KIF13B: variants seen among roughly 807,000 people sequenced by gnomAD.
KIF13B encodes the protein kinesin-like protein KIF13B.
KIF13B carries 127 observed loss-of-function variants against 222.0 expected under a neutral mutation model. The observed-to-expected ratio is 0.57, with a 90% CI of 0.50 to 0.66. KIF13B has a LOEUF of 0.66. KIF13B is among the 30% of genes least tolerant of loss of function. The pLI, the probability that KIF13B is intolerant of heterozygous loss-of-function variation, is 0.00. For synonymous variants in KIF13B, 976 were observed against 919.0 expected (o/e 1.06, Z -1.12); for missense variants, 2,173 against 2,379.0 (o/e 0.91, Z 1.80).
Position 29,109,787 on chromosome 8 carries a change from G to T in KIF13B, c.4083+131C>A, listed in dbSNP as rs146899866. On this transcript the variant is annotated intron_variant, in intron 33 of 39. Transcript: ENST00000524189. ...GAATGACCCAATTACAATCACTCTGGATTATTCAAAGTTCATTAGAGTGAA... is the reference window on the plus strand; with the variant it reads ...GAATGACCCAATTACAATCACTCTGTATTATTCAAAGTTCATTAGAGTGAA... The T allele has an allele frequency of 9.4e-4, 844 of 901,742 alleles. 14 individuals carry two copies. In the East Asian group the frequency reaches 0.016, roughly 17 times the overall value. The allele number at this position is 901,742 out of a possible 1,614,324, so 55.9% of individuals were successfully genotyped here. A position where few individuals can be genotyped will look rare whatever the true frequency, so the allele number is the denominator to read the frequency against.
At chr8:29,109,184 G>C (rs1191565312) in intron 34 of KIF13B, among the ~76,000 whole-genome samples, 2 of 152,184 alleles carry the variant, frequency 1.3e-5, no homozygotes, top group Non-Finnish European at 2.9e-5. Context: ...CTCAGTCTAT[G>C]CTAGGCAGTG....
At chr8:29,104,648 C>A (rs561886834) in intron 35 of KIF13B, among the ~76,000 whole-genome samples, 1 of 152,194 alleles carries the variant, frequency 6.6e-6, no homozygotes, top group Non-Finnish European at 1.5e-5. Flanking sequence ...TGGTGTCCAA[C>A]TCCCCTGCCA....
intron 29 of KIF13B, 118 bp downstream of exon 29, chr8:29,122,473 A>G (rs1797139278): frequency 2.6e-6 from 2 of 766,952 alleles, no homozygotes; most frequent in African/African-American, 1.7e-5. Flanking sequence ...ACACACGTCA[A>G]ACTGGCTCTA....
chr8:29,258,402 C>A (rs927835804), intron 1 of KIF13B, among the ~76,000 whole-genome samples: 2 of 152,190 alleles, frequency 1.3e-5, no homozygotes, highest in Admixed American at 1.3e-4. Flanking sequence ...TGGGATCTAG[C>A]AATCTTTCCC....
chr8:29,254,880 A>C (rs1265983587), intron 1 of KIF13B, among the ~76,000 whole-genome samples: 5 of 152,368 alleles, frequency 3.3e-5, no homozygotes, highest in South Asian at 4.1e-4. Flanking sequence ...CAAAAATTGG[A>C]AACAAGCCAA....
chr8:29,182,606 A>T (rs1308117069), intron 6 of KIF13B, among the ~76,000 whole-genome samples: 1 of 151,970 alleles, frequency 6.6e-6, no homozygotes, highest in East Asian at 1.9e-4. Context: ...TTTTTTTTAA[A>T]AGAAAACCCC....
intron 1 of KIF13B, among the ~76,000 whole-genome samples, chr8:29,262,583 G>A: frequency 6.6e-6 from 1 of 151,812 alleles, no homozygotes; most frequent in Admixed American, 6.6e-5. Context: ...GGCGACCCGC[G>A]CGCGGGGGCG....
At chr8:29,243,596 G>C (rs1361857659) in intron 2 of KIF13B, among the ~76,000 whole-genome samples, 1 of 151,226 alleles carries the variant, frequency 6.6e-6, no homozygotes, top group East Asian at 2.0e-4. Flanking sequence ...GCGGAGGCTG[G>C]AGTGAGCCGA....
intron 36 of KIF13B, among the ~76,000 whole-genome samples, chr8:29,096,456 G>A (rs879085361): frequency 2.0e-5 from 3 of 151,562 alleles, no homozygotes; most frequent in Admixed American, 6.6e-5. Context: ...GTACCACCAC[G>A]CTCAGCTGAT....
At chr8:29,148,041 T>C (rs544832319) in intron 16 of KIF13B, among the ~76,000 whole-genome samples, 9 of 152,122 alleles carry the variant, frequency 5.9e-5, no homozygotes, top group African/African-American at 1.9e-4. Context: ...CTATTGAAAA[T>C]ACAAAAGTGA....
chr8:29,137,819 C>A (rs184805074), intron 21 of KIF13B, among the ~76,000 whole-genome samples: 3 of 152,034 alleles, frequency 2.0e-5, no homozygotes, highest in African/African-American at 7.3e-5. Context: ...TTCATCACAC[C>A]GGAAAACAAG....
chr8:29,122,335 C>CAG (rs890662072), intron 29 of KIF13B, among the ~76,000 whole-genome samples: 19 of 152,156 alleles, frequency 1.2e-4, no homozygotes, highest in Non-Finnish European at 7.3e-5. Flanking sequence ...ACCAGGAGAA[C>CAG]AGAGCATCCA....
intron 10 of KIF13B, among the ~76,000 whole-genome samples, chr8:29,171,534 G>A (rs1812236999): frequency 6.6e-6 from 1 of 152,070 alleles, no homozygotes; most frequent in Admixed American, 6.5e-5. Context: ...TGTCAAACTA[G>A]GATCTGGGTG....
chr8:29,172,265 G>A (rs1812279437), intron 10 of KIF13B, among the ~76,000 whole-genome samples: 1 of 151,694 alleles, frequency 6.6e-6, no homozygotes, highest in Non-Finnish European at 1.5e-5. Context: ...GTATTTTTTA[G>A]TAGAGACAAG....
chr8:29,161,699 A>C (rs546985182), intron 12 of KIF13B, among the ~76,000 whole-genome samples: 140 of 141,810 alleles, frequency 9.9e-4, no homozygotes, highest in East Asian at 5.6e-3. Context: ...CCATCTCAAA[A>C]CCCCCCCCCA....
In KIF13B at chr8:29,228,472, A is replaced by AAAATAT; in HGVS notation, c.149+16873_149+16874insATATTT. ...ACAGAGCCAGACTCCATCTTAAAAA[A>AAAATAT]ATATATATATATATATATGAGATAC... On this transcript the variant is annotated intron_variant, in intron 2 of 39. Coordinates refer to ENST00000524189, the MANE Select transcript of KIF13B (RefSeq NM_015254.4). 1.8e-4 allele frequency among the ~76,000 whole-genome samples: 21 copies of AAAATAT among 117,084 alleles called. 1 individual carries two copies. Among genetic ancestry groups the AAAATAT allele is most frequent in the South Asian group, 2.9e-4 (1 of 3,490 alleles). The allele number at this position is 117,084 out of a possible 152,430, so 76.8% of individuals were successfully genotyped here.
intron 2 of KIF13B, among the ~76,000 whole-genome samples, chr8:29,197,009 T>C (rs1318139434): frequency 1.3e-5 from 2 of 152,162 alleles, no homozygotes; most frequent in African/African-American, 2.4e-5. Flanking sequence ...CCACTGAAAC[T>C]GCCACTTACT....
At chr8:29,108,466 G>A (rs79735397) in intron 34 of KIF13B, among the ~76,000 whole-genome samples, 2,146 of 152,328 alleles carry the variant, frequency 0.014, 13 homozygotes, top group Non-Finnish European at 0.021. Flanking sequence ...GAGATGTCGC[G>A]TTGGGTGAGC....
In KIF13B at chr8:29,116,906, C is replaced by A. The variant is rs370590840; in HGVS notation, c.3762G>T (p.Thr1254=). Residue 1254 remains threonine, a synonymous_variant, in exon 31 of 40, where the codon ACG becomes ACT. Transcript: ENST00000524189. ...DERLFLIVRV[T]VQLSHPADMQ... ...TGTCAGCAGGGTGGCTGAGCTGGAC[C>A]GTCACGCGCACGATCAGGAACAACC... The A allele has an allele frequency of 3.1e-6, 5 of 1,613,594 alleles. No homozygotes were observed. Among genetic ancestry groups the A allele is most frequent in the Non-Finnish European group, 4.2e-6 (5 of 1,179,670 alleles).
Sources: gnomAD v4.1 joint callset for allele counts (sites outside exome capture counted in the v4.1 genomes callset) on GRCh38, gnomAD v4.1.1 for gene constraint, MANE v1.5 for transcripts, NCBI Gene and HGNC (gene_info 2026-07-23, HGNC 2026-07-21) for gene names.